Variants in HIBADH observed in about 807,000 individuals in gnomAD.
HIBADH encodes the protein 3-hydroxyisobutyrate dehydrogenase, mitochondrial.
Under a neutral mutation model 36.1 loss-of-function variants are expected in HIBADH, and 25 were observed. That is an observed-to-expected ratio of 0.69 (90% CI 0.50 to 0.97). The LOEUF (loss-of-function observed/expected upper bound fraction) is 0.97. Among genes scored for constraint, HIBADH ranks in the 50% least tolerant of loss-of-function variants. HIBADH has a pLI of 0.00. For missense variants in HIBADH, 421 were observed against 418.0 expected (o/e 1.01, Z -0.06); for synonymous variants, 160 against 149.5 (o/e 1.07, Z -0.51).
At chr7:27,589,041 A>G (rs1315051888) in intron 4 of HIBADH, among the ~76,000 whole-genome samples, 1 of 152,248 alleles carries the variant, frequency 6.6e-6, no homozygotes, top group East Asian at 1.9e-4. Flanking sequence ...ATTAGGAACT[A>G]TCTGCATTTG....
chr7:27,640,482 A>G (rs1226113119), intron 2 of HIBADH, among the ~76,000 whole-genome samples: 2 of 152,188 alleles, frequency 1.3e-5, no homozygotes, highest in Admixed American at 6.5e-5. Flanking sequence ...GTGAGCCATG[A>G]TCCCGCCACT....
At chr7:27,580,096 T>A (rs1784767662) in intron 4 of HIBADH, among the ~76,000 whole-genome samples, 1 of 152,190 alleles carries the variant, frequency 6.6e-6, no homozygotes, top group South Asian at 2.1e-4. Flanking sequence ...TTTCTACGAT[T>A]TTTCATGAAA....
chr7:27,535,436 A>G (rs189517359), intron 6 of HIBADH, among the ~76,000 whole-genome samples: 9 of 152,274 alleles, frequency 5.9e-5, no homozygotes, highest in African/African-American at 1.9e-4. Context: ...AGCTGCTTCA[A>G]GCTTCTTTTG....
At chr7:27,601,916 G>C (rs568888477) in intron 4 of HIBADH, among the ~76,000 whole-genome samples, 1 of 151,960 alleles carries the variant, frequency 6.6e-6, no homozygotes, top group Admixed American at 6.5e-5. Flanking sequence ...GTATTGTGTG[G>C]GAGTGGGGTC....
intron 2 of HIBADH, among the ~76,000 whole-genome samples, chr7:27,634,498 G>A (rs1371326557): frequency 6.6e-6 from 1 of 152,012 alleles, no homozygotes; most frequent in Non-Finnish European, 1.5e-5. Context: ...GAAAAAAAAA[G>A]TTGTAGTAGT....
intron 4 of HIBADH, among the ~76,000 whole-genome samples, chr7:27,584,287 C>A (rs1482434149): frequency 6.6e-6 from 1 of 152,030 alleles, no homozygotes; most frequent in East Asian, 1.9e-4. Context: ...TAACATCATA[C>A]AACGGTCAAT....
At chr7:27,542,202 CTG>C (rs113444679) in intron 5 of HIBADH, among the ~76,000 whole-genome samples, 6 of 152,000 alleles carry the variant, frequency 3.9e-5, no homozygotes, top group African/African-American at 1.4e-4. Flanking sequence ...TTTTTTCAAA[CTG>C]TCACAAATCT....
intron 4 of HIBADH, among the ~76,000 whole-genome samples, chr7:27,551,581 C>G (rs1441269951): frequency 6.6e-6 from 1 of 151,920 alleles, no homozygotes; most frequent in Non-Finnish European, 1.5e-5. Flanking sequence ...ATAGATAAAC[C>G]ATGATGCAGG....
intron 4 of HIBADH, among the ~76,000 whole-genome samples, chr7:27,599,613 C>T (rs938943887): frequency 7.2e-5 from 9 of 125,766 alleles, no homozygotes; most frequent in African/African-American, 2.5e-4. Context: ...ACCCGGGAGG[C>T]GGAGCTTGCA....
At chr7:27,613,122 AT>A (rs1435350663) in intron 4 of HIBADH, among the ~76,000 whole-genome samples, 3 of 109,986 alleles carry the variant, frequency 2.7e-5, no homozygotes, top group Admixed American at 1.2e-4. Flanking sequence ...ATATAAATAT[AT>A]TTATATATAT....
chr7:27,577,201 T>C lies in HIBADH; in HGVS notation c.485-34101A>G, dbSNP rs76944902. 1.8e-3 allele frequency among the ~76,000 whole-genome samples: 270 copies of C among 149,872 alleles called. 4 individuals carry two copies. Among genetic ancestry groups the C allele is most frequent in the Admixed American group, 0.014 (206 of 14,984 alleles). On this transcript the variant is annotated intron_variant, in intron 4 of 7. Transcript: ENST00000265395. ...TTTTTGAGATGGAGTTTCGCTCTTG[T>C]TGCCCAGGCTGAAGGGCAGTGGCAT...
intron 4 of HIBADH, among the ~76,000 whole-genome samples, chr7:27,611,390 T>C (rs1381884075): frequency 6.6e-6 from 1 of 152,164 alleles, no homozygotes. Flanking sequence ...TCACTAGCAA[T>C]AGTTTTTAAT....
intron 4 of HIBADH, among the ~76,000 whole-genome samples, chr7:27,628,011 G>T (rs932873238): frequency 1.4e-4 from 21 of 151,984 alleles, no homozygotes; most frequent in Admixed American, 8.5e-4. Flanking sequence ...TCAATCAATG[G>T]CAAGAACATT....
chr7:27,642,639 C>A (rs1583615744), intron 2 of HIBADH, among the ~76,000 whole-genome samples: 1 of 126,986 alleles, frequency 7.9e-6, no homozygotes, highest in African/African-American at 3.0e-5. Context: ...GCCTAAATGT[C>A]TAGTTTTTTT....
At chr7:27,549,768 A>C (rs938081638) in intron 4 of HIBADH, among the ~76,000 whole-genome samples, 6 of 152,206 alleles carry the variant, frequency 3.9e-5, no homozygotes, top group African/African-American at 1.4e-4. Context: ...CCTCATTCTA[A>C]CATTTATGCT....
chr7:27,612,947 A>T (rs1279211061), intron 4 of HIBADH, among the ~76,000 whole-genome samples: 58 of 139,852 alleles, frequency 4.1e-4, no homozygotes, highest in African/African-American at 8.2e-4. Context: ...TCTCCAAAAA[A>T]ATATATATAT....
chr7:27,649,539 G>C lies in HIBADH; in HGVS notation c.186C>G (p.Gly62=). The part of the protein sequence containing the change: ...NPMAKNLMKH[G]YPLIIYDVFP... ...ACACATCATAAATAATAAGTGGATA[G>C]CCATGTTTCATGAGATTTTTTGCCA... is the stretch of plus-strand genomic sequence containing the variant. The change falls in exon 2 of 8, where the codon GGC becomes GGG. Residue 62 remains glycine, a synonymous_variant. Transcript: ENST00000265395. The C allele has an allele frequency of 6.2e-7, 1 of 1,613,876 alleles. No homozygotes were observed. Among genetic ancestry groups the C allele is most frequent in the Middle Eastern group, 1.6e-4 (1 of 6,062 alleles).
intron 4 of HIBADH, among the ~76,000 whole-genome samples, chr7:27,573,707 G>A (rs931426985): frequency 6.6e-6 from 1 of 152,168 alleles, no homozygotes; most frequent in Non-Finnish European, 1.5e-5. Flanking sequence ...GTCCCACAGA[G>A]TAGCTACTAG....
intron 1 of HIBADH, among the ~76,000 whole-genome samples, chr7:27,656,564 T>A (rs528852551): frequency 1.3e-5 from 2 of 152,148 alleles, no homozygotes; most frequent in African/African-American, 4.8e-5. Flanking sequence ...GGATACAGTA[T>A]AAGAGAAGAA....
Sources: gnomAD v4.1 joint callset for allele counts (sites outside exome capture counted in the v4.1 genomes callset) on GRCh38, gnomAD v4.1.1 for gene constraint, MANE v1.5 for transcripts, NCBI Gene and HGNC (gene_info 2026-07-23, HGNC 2026-07-21) for gene names.